TMEM232: variants seen among roughly 807,000 people sequenced by gnomAD.
TMEM232 encodes the protein transmembrane protein 232.
Under a neutral mutation model 78.8 loss-of-function variants are expected in TMEM232, and 80 were observed. The observed-to-expected ratio is 1.01, with a 90% CI of 0.85 to 1.22. The LOEUF (loss-of-function observed/expected upper bound fraction) is 1.22. Among genes scored for constraint, TMEM232 ranks in the 50% most tolerant of loss-of-function variants. The pLI, the probability that TMEM232 is intolerant of heterozygous loss-of-function variation, is 0.00. For missense variants in TMEM232, 881 were observed against 742.2 expected, an observed-to-expected ratio of 1.19 and a Z score of -2.17; for synonymous variants, 297 against 254.3, an observed-to-expected ratio of 1.17 and a Z score of -1.60.
chr5:110,645,060 TA>T (rs901246974), intron 2 of TMEM232, among the ~76,000 whole-genome samples: 8 of 148,616 alleles, frequency 5.4e-5, no homozygotes, highest in African/African-American at 9.9e-5. Context: ...AACACACCAA[TA>T]AAAAAAAAGA....
At chr5:110,430,950 C>T (rs1276558540) in intron 12 of TMEM232, among the ~76,000 whole-genome samples, 1 of 151,778 alleles carries the variant, frequency 6.6e-6, no homozygotes, top group Non-Finnish European at 1.5e-5. Context: ...GCAAAATATA[C>T]TTCTCCTTAG....
chr5:110,451,070 G>A (rs1760222870), intron 12 of TMEM232, among the ~76,000 whole-genome samples: 1 of 152,118 alleles, frequency 6.6e-6, no homozygotes, highest in African/African-American at 2.4e-5. Context: ...TACCGCATTT[G>A]GCTGTGATGG....
chr5:110,451,817 T>A (rs1760319096), intron 12 of TMEM232, among the ~76,000 whole-genome samples: 1 of 152,072 alleles, frequency 6.6e-6, no homozygotes, highest in Non-Finnish European at 1.5e-5. Flanking sequence ...TATTATACAT[T>A]TGGTATTTCA....
intron 12 of TMEM232, among the ~76,000 whole-genome samples, chr5:110,451,033 C>A (rs1387343925): frequency 6.6e-6 from 1 of 152,126 alleles, no homozygotes; most frequent in African/African-American, 2.4e-5. Context: ...GACTAAATGA[C>A]CACATGGTAG....
At chr5:110,515,551 C>A (rs1163488639) in intron 12 of TMEM232, among the ~76,000 whole-genome samples, 1 of 152,164 alleles carries the variant, frequency 6.6e-6, no homozygotes, top group African/African-American at 2.4e-5. Context: ...GAAATACAAA[C>A]CCAATGAATG....
At chr5:110,737,108 T>A (rs1561590797) in intron 1 of TMEM232, among the ~76,000 whole-genome samples, 1 of 152,136 alleles carries the variant, frequency 6.6e-6, no homozygotes, top group Admixed American at 6.6e-5. Flanking sequence ...ATTTATCTGT[T>A]CTTTGTCTCC....
At chr5:110,467,830 G>A (rs895226259) in intron 12 of TMEM232, among the ~76,000 whole-genome samples, 4 of 152,062 alleles carry the variant, frequency 2.6e-5, no homozygotes, top group Non-Finnish European at 5.9e-5. Context: ...AGCTATAAGA[G>A]AGAAACACAT....
At position 110,523,537 on chromosome 5, in the gene TMEM232, G is replaced by C. The variant is rs144284136; in HGVS notation, c.1703+5051C>G. 6.3e-3 allele frequency among the ~76,000 whole-genome samples: 961 copies of C among 151,896 alleles called. 20 individuals carry two copies. The highest frequency in any genetic ancestry group is 0.021 in the African/African-American group (890 of 41,432). ...AAAAATAAATATCCCTCTTAGTACT[G>C]CTTTTGCTCCATCCATAAGTTTTAG... is the stretch of plus-strand genomic sequence containing the variant. On this transcript the variant is annotated intron_variant, in intron 12 of 13. Transcript: ENST00000455884.
Position 110,664,672 on chromosome 5 carries a change from C to T in TMEM232, c.125+2556G>A, listed in dbSNP as rs1449293997. Among the ~76,000 whole-genome samples, 4 of 152,276 alleles carry T rather than the reference C, an allele frequency of 2.6e-5. No homozygotes were observed. In the East Asian group the frequency reaches 7.7e-4, roughly 29 times the overall value. Reference sequence around the variant, plus strand: ...AGCTGGGAAATCCAAGATAGGGTGCCAGCATGGGCTGGTTTTGGTGAGGGC... The same window carrying T: ...AGCTGGGAAATCCAAGATAGGGTGCTAGCATGGGCTGGTTTTGGTGAGGGC... On this transcript the variant is annotated intron_variant, in intron 2 of 13. Coordinates refer to ENST00000455884, the MANE Select transcript of TMEM232 (RefSeq NM_001039763.4).
At chr5:110,570,524 G>A (rs1317447905) in intron 10 of TMEM232, among the ~76,000 whole-genome samples, 1 of 151,970 alleles carries the variant, frequency 6.6e-6, no homozygotes, top group Non-Finnish European at 1.5e-5. Flanking sequence ...AGAGATCAAT[G>A]AGGGCTAGAA....
intron 1 of TMEM232, among the ~76,000 whole-genome samples, chr5:110,700,787 T>TAGATAGAC (rs1795346522): frequency 2.8e-5 from 1 of 36,080 alleles, no homozygotes; most frequent in African/African-American, 9.9e-5. Context: ...GATAGATAGG[T>TAGATAGAC]AGATAGATAG....
chr5:110,390,074 T>C (rs1755125124), intron 4 of TMEM232, among the ~76,000 whole-genome samples: 2 of 152,158 alleles, frequency 1.3e-5, no homozygotes, highest in South Asian at 4.1e-4. Context: ...TACCAGGAAA[T>C]AAAATGTGGC....
chr5:110,625,472 A>T (rs1473481506), intron 6 of TMEM232, 39 bp from the exon 7 acceptor site: 1 of 1,469,122 alleles, frequency 6.8e-7, no homozygotes, highest in Admixed American at 2.4e-5. Flanking sequence ...ATAATTTATT[A>T]ATATTTTGCA....
At chr5:110,641,275 T>G (rs977928459) in intron 3 of TMEM232, among the ~76,000 whole-genome samples, 3 of 152,148 alleles carry the variant, frequency 2.0e-5, no homozygotes, top group African/African-American at 7.2e-5. Flanking sequence ...TAGTGAGTAC[T>G]TCCAATTTTC....
upstream of TMEM232, among the ~76,000 whole-genome samples, chr5:110,730,728 A>G (rs921223281): frequency 2.0e-5 from 3 of 152,142 alleles, no homozygotes; most frequent in African/African-American, 7.2e-5. Flanking sequence ...ACTGGCCCCC[A>G]TGATTCAATT....
chr5:110,675,148 C>T (rs1470850020), intron 1 of TMEM232, among the ~76,000 whole-genome samples: 13 of 152,060 alleles, frequency 8.5e-5, no homozygotes, highest in African/African-American at 2.7e-4. Flanking sequence ...CAGGGTCAAG[C>T]GATTCTCTGC....
At chr5:110,612,688 C>CT (rs1013251749) in intron 8 of TMEM232, among the ~76,000 whole-genome samples, 8 of 151,822 alleles carry the variant, frequency 5.3e-5, no homozygotes, top group African/African-American at 1.2e-4. Flanking sequence ...AATTGTCAAG[C>CT]TTTTTTTTGG....
chr5:110,712,308 C>A (rs563146008), intron 1 of TMEM232, among the ~76,000 whole-genome samples: 3 of 151,898 alleles, frequency 2.0e-5, no homozygotes, highest in Admixed American at 6.6e-5. Context: ...AAAGAGACCA[C>A]CCAAAGACTA....
Position 110,420,904 on chromosome 5 carries a change from G to A in TMEM232, c.1798-148C>T, listed in dbSNP as rs1260643456. On this transcript the variant is annotated intron_variant, in intron 13 of 13. Transcript: ENST00000455884. ...CAAAAATTTTATATCTACCACACTG[G>A]CAAAACACATGTGTCACCTATTAGA... 4 of 1,021,628 alleles carry A rather than the reference G, an allele frequency of 3.9e-6. No homozygotes were observed. In the African/African-American group the frequency reaches 6.9e-5, roughly 18 times the overall value. The allele number at this position is 1,021,628 out of a possible 1,614,324, so 63.3% of individuals were successfully genotyped here.
Sources: gnomAD v4.1 joint callset for allele counts (sites outside exome capture counted in the v4.1 genomes callset) on GRCh38, gnomAD v4.1.1 for gene constraint, MANE v1.5 for transcripts, NCBI Gene and HGNC (gene_info 2026-07-23, HGNC 2026-07-21) for gene names.